KLF10: variants seen among roughly 807,000 people sequenced by gnomAD.
KLF10 encodes KLF transcription factor 10.
In KLF10, 17 loss-of-function variants were observed where a neutral mutation model predicts 31.6. That is an observed-to-expected ratio of 0.54 (90% CI 0.37 to 0.81). KLF10 has a LOEUF of 0.81. Among genes scored for constraint, KLF10 ranks in the 30% least tolerant of loss-of-function variants. The pLI is 0.00. For missense variants in KLF10, 525 were observed against 598.1 expected, an observed-to-expected ratio of 0.88 and a Z score of 1.27; for synonymous variants, 239 against 215.1, an observed-to-expected ratio of 1.11 and a Z score of -0.97.
In KLF10 at chr8:102,652,326, T is replaced by C; in HGVS notation, c.108A>G (p.Lys36=). 3 of 1,612,774 alleles carry C rather than the reference T, an allele frequency of 1.9e-6. No individual in the cohort carries two copies. Among genetic ancestry groups the C allele is most frequent in the African/African-American group, 1.3e-5 (1 of 75,030 alleles). Residue 36 remains lysine (K), a synonymous_variant, in exon 2 of 4, where the codon AAA becomes AAG. Transcript: ENST00000285407. ...GTGCTTCTACAGCTTCAAAATCACT[T>C]TTCTCTGCAGTTTTGTTCCAGGAAT... ...SMYSWNKTAE[K]SDFEAVEALM...
Position 102,651,713 on chromosome 8 carries a change from G to A in KLF10, c.619C>T (p.Pro207Ser). ...TTTCTCTCACATTTGGATCTGTTTG[G>A]TGACACAGCGGCACATGGTATGTTC... ...RKNIPCAAVS[P>S]NRSKCERNTV... is the part of the protein sequence containing the mutation. The change falls in exon 3 of 4, where the codon CCA (proline) becomes TCA (serine). Residue 207 changes from proline to serine, a missense_variant. Pro to Ser is a moderately conservative substitution (Grantham distance 74). This residue lies in a region of KLF10 where 434 missense variants were observed against 450.7 expected (regional missense o/e 0.96). Coordinates refer to ENST00000285407, the MANE Select transcript of KLF10 (RefSeq NM_005655.4). The A allele has an allele frequency of 6.2e-7, 1 of 1,614,236 alleles. No homozygotes were observed. The highest frequency in any genetic ancestry group is 8.5e-7 in the Non-Finnish European group (1 of 1,180,048).
chr8:102,649,992 C>G lies in KLF10; in HGVS notation c.*140G>C. 2.7e-6 allele frequency: 3 copies of G among 1,120,670 alleles called. No individual in the cohort carries two copies. The highest frequency in any genetic ancestry group is 3.7e-6 in the Non-Finnish European group (3 of 802,172). 69.4% of individuals were successfully genotyped at this position (1,120,670 alleles called of 1,614,324 possible). Reference sequence around the variant, plus strand: ...AGCCCTTTTAGTCACCTAACCCAGGCGGGGCCTTCGTGCCAGGCTGTGGGG... The same window carrying G: ...AGCCCTTTTAGTCACCTAACCCAGGGGGGGCCTTCGTGCCAGGCTGTGGGG... On this transcript the variant is annotated 3_prime_UTR_variant, in exon 4 of 4. Coordinates refer to ENST00000285407, the MANE Select transcript of KLF10 (RefSeq NM_005655.4).
intron 1 of KLF10, chr8:102,653,619 A>T: frequency 7.5e-7 from 1 of 1,336,528 alleles, no homozygotes. Flanking sequence ...TTCGTGTTGA[A>T]ATCCTAAGAA....
chr8:102,650,737 A>C (rs1827187859), intron 3 of KLF10, among the ~76,000 whole-genome samples: 1 of 152,194 alleles, frequency 6.6e-6, no homozygotes, highest in Admixed American at 6.5e-5. Flanking sequence ...GCCAAAAATG[A>C]AAAGACTTCC....
chr8:102,654,035 T>TGGCC lies in KLF10; in HGVS notation c.36+1527_36+1530dup, dbSNP rs1271525911. On this transcript the variant is annotated intron_variant, in intron 1 of 3. Coordinates refer to ENST00000285407, the MANE Select transcript of KLF10 (RefSeq NM_005655.4). ...GTCCCCGCGCCCCTGCCCCCGCCATTGGCCGGCCGGCTCGGCGGCCCGAGC... is the reference window on the plus strand; with the variant it reads ...GTCCCCGCGCCCCTGCCCCCGCCATTGGCCGGCCGGCCGGCTCGGCGGCCCGAGC... 4 of 967,852 alleles carry TGGCC rather than the reference T, an allele frequency of 4.1e-6. No individual in the cohort carries two copies. In the South Asian group the frequency reaches 1.4e-4, roughly 35 times the overall value. The allele number at this position is 967,852 out of a possible 1,614,324, so 60.0% of individuals were successfully genotyped here. A position where few individuals can be genotyped will look rare whatever the true frequency, so the allele number is the denominator to read the frequency against.
Position 102,651,387 on chromosome 8 carries a change from G to A in KLF10, c.945C>T (p.Gly315=), listed in dbSNP as rs371182019. Residue 315 remains glycine, a synonymous_variant, in exon 3 of 4, where the codon GGC becomes GGT. Coordinates refer to ENST00000285407, the MANE Select transcript of KLF10 (RefSeq NM_005655.4). ...GCTGGGGTACCACAAACATGACAGC[G>A]CCTTTGGGGACTTGTGTGCCCATGA... is the stretch of plus-strand genomic sequence containing the variant. ...VVFMGTQVPK[G]AVMFVVPQPV... 3.5e-5 allele frequency: 57 copies of A among 1,606,472 alleles called. 1 individual carries two copies. The highest frequency in any genetic ancestry group is 1.9e-4 in the Admixed American group (11 of 59,390).
intron 1 of KLF10, chr8:102,654,223 CG>C (rs1251255116): frequency 2.7e-5 from 4 of 147,284 alleles, no homozygotes; most frequent in African/African-American, 9.8e-5. Context: ...GGCCCCCGCC[CG>C]CGCCCGACCC....
chr8:102,650,280 G>A lies in KLF10; in HGVS notation c.1295C>T (p.Pro432Leu), dbSNP rs1303241411. Residue 432 changes from proline (P) to leucine (L), a missense_variant, in exon 4 of 4, where the codon CCC (proline) becomes CTC (leucine). Pro to Leu is a moderately conservative substitution (Grantham distance 98). Transcript: ENST00000285407. ...CCTCATGAACCGCCGGTCACACATG[G>A]GGCACGCAAATTTCTTCTCACCCGT... ...THTGEKKFAC[P>L]MCDRRFMRSD... 1 of 1,614,172 alleles carries A rather than the reference G, an allele frequency of 6.2e-7. No individual in the cohort carries two copies. The highest frequency in any genetic ancestry group is 2.2e-5 in the East Asian group (1 of 44,888).
chr8:102,655,676 C>G lies in KLF10; in HGVS notation c.-75G>C. The G allele has an allele frequency of 1.9e-6, 3 of 1,544,690 alleles. No individual in the cohort carries two copies. The highest frequency in any genetic ancestry group is 1.8e-6 in the Non-Finnish European group (2 of 1,127,690). On this transcript the variant is annotated 5_prime_UTR_variant, in exon 1 of 4. Transcript: ENST00000285407. ...GGCTGCTTGGCCACAGACGGGCGCACGGAGACACTCGACGCCGCTCCCGCC... is the reference window on the plus strand; with the variant it reads ...GGCTGCTTGGCCACAGACGGGCGCAGGGAGACACTCGACGCCGCTCCCGCC...
chr8:102,654,981 C>A (rs896303361), intron 1 of KLF10, among the ~76,000 whole-genome samples: 1 of 152,058 alleles, frequency 6.6e-6, no homozygotes, highest in Non-Finnish European at 1.5e-5. Flanking sequence ...GGCGCCCCTT[C>A]CCCCAGCCCC....
chr8:102,653,576 C>T, intron 1 of KLF10: 1 of 1,424,074 alleles, frequency 7.0e-7, no homozygotes, highest in South Asian at 1.6e-5. Context: ...AGGTATTATT[C>T]TCAATACTAG....
intron 1 of KLF10, chr8:102,653,799 G>A (rs1428276838): frequency 1.9e-6 from 2 of 1,058,916 alleles, no homozygotes; most frequent in Admixed American, 4.4e-5. Flanking sequence ...GAGCTGGGAA[G>A]GACAGGAAGG....
chr8:102,649,437 A>G lies in KLF10; in HGVS notation c.*695T>C, dbSNP rs970517253. The G allele has an allele frequency of 8.5e-5, 13 of 152,316 alleles. No homozygotes were observed. The highest frequency in any genetic ancestry group is 2.0e-4 in the Admixed American group (3 of 15,288). The allele number at this position is 152,316 out of a possible 1,614,324, so 9.4% of individuals were successfully genotyped here. Reference sequence around the variant, plus strand: ...CATAATGAAATGCCTAGATACAGTCATTTGTTAAACTTTCAAAACAAAAAT... The same window carrying G: ...CATAATGAAATGCCTAGATACAGTCGTTTGTTAAACTTTCAAAACAAAAAT... On this transcript the variant is annotated 3_prime_UTR_variant, in exon 4 of 4. Coordinates refer to ENST00000285407, the MANE Select transcript of KLF10 (RefSeq NM_005655.4).
At chr8:102,651,089 G>C (rs748082819) in intron 3 of KLF10, 60 bp downstream of exon 3, 1 of 1,416,300 alleles carries the variant, frequency 7.1e-7, no homozygotes. Context: ...GGGTTTAAAT[G>C]TGTGATCACA....
rs1206286664 is a variant in KLF10 at position 102,654,013 on chromosome 8, C to T, written c.36+1553G>A. On this transcript the variant is annotated intron_variant, in intron 1 of 3. Coordinates refer to ENST00000285407, the MANE Select transcript of KLF10 (RefSeq NM_005655.4). ...GAACATTCCTCGCCGCTCGCACGTC[C>T]CCGCGCCCCTGCCCCCGCCATTGGC... is the stretch of plus-strand genomic sequence containing the variant. The T allele has an allele frequency of 4.1e-6, 4 of 983,864 alleles. 1 individual carries two copies. The highest frequency in any genetic ancestry group is 1.7e-5 in the African/African-American group (1 of 57,150). 60.9% of individuals were successfully genotyped at this position (983,864 alleles called of 1,614,324 possible).
intron 3 of KLF10, 22 bp from the exon 4 acceptor site, chr8:102,650,413 C>T (rs1827176981): frequency 1.9e-6 from 3 of 1,602,586 alleles, no homozygotes; most frequent in Admixed American, 3.4e-5. Context: ...ACATACAAAT[C>T]ATTATTATGC....
Position 102,649,652 on chromosome 8 carries a change from A to G in KLF10, c.*480T>C, listed in dbSNP as rs1422283214. 1 of 162,408 alleles carries G rather than the reference A, an allele frequency of 6.2e-6. No homozygotes were observed. The highest frequency in any genetic ancestry group is 1.8e-4 in the East Asian group (1 of 5,674). The allele number at this position is 162,408 out of a possible 1,614,324, so 10.1% of individuals were successfully genotyped here. A position where few individuals can be genotyped will look rare whatever the true frequency, so the allele number is the denominator to read the frequency against. On this transcript the variant is annotated 3_prime_UTR_variant, in exon 4 of 4. Coordinates refer to ENST00000285407, the MANE Select transcript of KLF10 (RefSeq NM_005655.4). ...AAAGACTAGGAATAATAAAGAAGATAACTCTAGAAAAAGATGACAATATTT... is the reference window on the plus strand; with the variant it reads ...AAAGACTAGGAATAATAAAGAAGATGACTCTAGAAAAAGATGACAATATTT...
At position 102,652,066 on chromosome 8, in the gene KLF10, A is replaced by C; in HGVS notation, c.271-5T>G. On this transcript the variant is annotated splice_polypyrimidine_tract_variant and splice_region_variant and intron_variant, in intron 2 of 3. Coordinates refer to ENST00000285407, the MANE Select transcript of KLF10 (RefSeq NM_005655.4). ...ACTGTAAGGTGGAGTCAAACACTAA[A>C]GAAAAGGGAAATACATAGCATGAGA... The C allele has an allele frequency of 6.3e-7, 1 of 1,577,598 alleles. No individual in the cohort carries two copies. Among genetic ancestry groups the C allele is most frequent in the Non-Finnish European group, 8.6e-7 (1 of 1,166,062 alleles).
At position 102,651,448 on chromosome 8, in the gene KLF10, G is replaced by T. The variant is rs1827207489; in HGVS notation, c.884C>A (p.Pro295His). 6.2e-7 allele frequency: 1 copy of T among 1,613,976 alleles called. No homozygotes were observed. The highest frequency in any genetic ancestry group is 1.3e-5 in the African/African-American group (1 of 75,046). The change falls in exon 3 of 4, where the codon CCC (proline) becomes CAC (histidine). Residue 295 changes from proline to histidine, a missense_variant. By Grantham distance (77) the Pro-to-His change is moderately conservative (BLOSUM62 -2). Coordinates refer to ENST00000285407, the MANE Select transcript of KLF10 (RefSeq NM_005655.4). ...GGGGCAAACGGCTGGTGGCTGGCTGGGAGGAGTGCTGGGAACGACTGTTGT... is the reference window on the plus strand; with the variant it reads ...GGGGCAAACGGCTGGTGGCTGGCTGTGAGGAGTGCTGGGAACGACTGTTGT... ...VVTTVVPSTP[P>H]SQPPAVCPPV...
Sources: gnomAD v4.1 joint callset for allele counts (sites outside exome capture counted in the v4.1 genomes callset) on GRCh38, gnomAD v4.1.1 for gene constraint, gnomAD v4.1.1 regional missense constraint, MANE v1.5 for transcripts, NCBI Gene and HGNC (gene_info 2026-07-23, HGNC 2026-07-21) for gene names.